TM9SF2: variants seen among roughly 807,000 people sequenced by gnomAD.
TM9SF2 encodes transmembrane 9 superfamily member 2, also known as 76 kDa membrane protein.
TM9SF2 carries 13 observed loss-of-function variants against 84.9 expected under a neutral mutation model. That is an observed-to-expected ratio of 0.15 (90% CI 0.10 to 0.24). TM9SF2 has a LOEUF of 0.24. TM9SF2 is among the 10% of genes least tolerant of loss of function. The pLI is 1.00. For synonymous variants in TM9SF2, 273 were observed against 285.8 expected (o/e 0.96, Z 0.45); for missense variants, 562 against 818.5 (o/e 0.69, Z 3.82).
intron 1 of TM9SF2, among the ~76,000 whole-genome samples, chr13:99,516,828 A>G (rs1594047069): frequency 1.3e-5 from 2 of 152,190 alleles, no homozygotes; most frequent in African/African-American, 2.4e-5. Flanking sequence ...GTACATGTGC[A>G]TGGAATTGTA....
chr13:99,559,637 G>A lies in TM9SF2; in HGVS notation c.1924+103G>A, dbSNP rs1435389436. 7.2e-6 allele frequency: 8 copies of A among 1,111,538 alleles called. No individual in the cohort carries two copies. The East Asian group carries it at 2.1e-4, about 29-fold the overall frequency. 68.9% of individuals were successfully genotyped at this position (1,111,538 alleles called of 1,614,324 possible). On this transcript the variant is annotated intron_variant, in intron 16 of 16. Transcript: ENST00000376387. ...AAACCCATGAAGGCTTATTCTGTTA[G>A]TGCTCCCATATTTAGTCCTCAGCAC...
At chr13:99,554,547 T>A in intron 14 of TM9SF2, 92 bp downstream of exon 14, 1 of 1,334,368 alleles carries the variant, frequency 7.5e-7, no homozygotes. Flanking sequence ...TTGTATCCTG[T>A]AAATGTAAGC....
rs1288860993 is a variant in TM9SF2 at position 99,504,529 on chromosome 13, GTGTT to G, written c.171+2754_171+2757del. 3.9e-5 allele frequency among the ~76,000 whole-genome samples: 6 copies of G among 152,188 alleles called. No individual in the cohort carries two copies. In the East Asian group the frequency reaches 1.2e-3, roughly 29 times the overall value. On this transcript the variant is annotated intron_variant, in intron 1 of 16. Coordinates refer to ENST00000376387, the MANE Select transcript of TM9SF2 (RefSeq NM_004800.3). ...ACTTATATATAATTTAGGTAGTAGA[GTGTT>G]TTTATGTACTGTAAAGTTTGTCTCA...
rs1321281670 is a variant in TM9SF2, at chr13:99,563,898, T to C, written c.*1140T>C. ...ATAGGAATGGGGGGTGATTCTGAAG[T>C]ATCGGTCTGCTTGTATCTGTGAGCA... is the stretch of plus-strand genomic sequence containing the variant. On this transcript the variant is annotated 3_prime_UTR_variant, in exon 17 of 17. Transcript: ENST00000376387. The C allele has an allele frequency of 6.6e-6, 1 of 152,220 alleles. No homozygotes were observed. The highest frequency in any genetic ancestry group is 1.5e-5 in the Non-Finnish European group (1 of 68,048). The allele number at this position is 152,220 out of a possible 1,614,324, so 9.4% of individuals were successfully genotyped here.
At chr13:99,548,043 G>A (rs1485976398) in intron 11 of TM9SF2, among the ~76,000 whole-genome samples, 1 of 152,150 alleles carries the variant, frequency 6.6e-6, no homozygotes, top group African/African-American at 2.4e-5. Flanking sequence ...AAGGAGGTAG[G>A]ATTAGGGCCA....
intron 9 of TM9SF2, among the ~76,000 whole-genome samples, chr13:99,543,335 C>T (rs2046268788): frequency 6.6e-6 from 1 of 152,178 alleles, no homozygotes; most frequent in Non-Finnish European, 1.5e-5. Context: ...CCAATGAGAT[C>T]ATGTACTCCT....
rs1393628385 is a variant in TM9SF2 at position 99,513,023 on chromosome 13, A to ATTT, written c.172-4591_172-4590insTTT. Among the ~76,000 whole-genome samples the ATTT allele has an allele frequency of 7.2e-5, 11 of 152,358 alleles. 1 individual carries two copies. In the South Asian group the frequency reaches 1.0e-3, roughly 14 times the overall value. ...AAGTTATATGAGACAGCAAAAAGTA[A>ATTT]ATTAATTTGCTCAAGGACAAATTGA... On this transcript the variant is annotated intron_variant, in intron 1 of 16. Coordinates refer to ENST00000376387, the MANE Select transcript of TM9SF2 (RefSeq NM_004800.3).
At chr13:99,535,181 C>A (rs1354521607) in intron 4 of TM9SF2, among the ~76,000 whole-genome samples, 1 of 152,036 alleles carries the variant, frequency 6.6e-6, no homozygotes, top group Non-Finnish European at 1.5e-5. Context: ...TTTAAGTTTT[C>A]TTAAATTTAT....
chr13:99,505,978 C>A (rs900997096), intron 1 of TM9SF2, among the ~76,000 whole-genome samples: 1 of 151,838 alleles, frequency 6.6e-6, no homozygotes, highest in Non-Finnish European at 1.5e-5. Context: ...ATTTTTTTTC[C>A]TTTGCTGTAA....
At chr13:99,508,916 G>A (rs1399782661) in intron 1 of TM9SF2, among the ~76,000 whole-genome samples, 1 of 152,030 alleles carries the variant, frequency 6.6e-6, no homozygotes, top group East Asian at 1.9e-4. Flanking sequence ...TTTGAGTGGG[G>A]AAAAATACTC....
chr13:99,509,662 G>A (rs1306563063), intron 1 of TM9SF2, among the ~76,000 whole-genome samples: 1 of 152,194 alleles, frequency 6.6e-6, no homozygotes, highest in African/African-American at 2.4e-5. Context: ...CCCTGGGTCT[G>A]ACCTATAAAC....
At position 99,554,838 on chromosome 13, in the gene TM9SF2, C is replaced by G. The variant is rs544527885; in HGVS notation, c.1640+383C>G. On this transcript the variant is annotated intron_variant, in intron 14 of 16. Transcript: ENST00000376387. ...AGTTTCTCCAAACCTATGTTCCTAA[C>G]TAATCTGCACTGTTCAGAGAAGATC... Among the ~76,000 whole-genome samples the G allele has an allele frequency of 2.5e-4, 38 of 152,338 alleles. No individual in the cohort carries two copies. The South Asian group carries it at 7.5e-3, about 30-fold the overall frequency.
At chr13:99,506,101 A>AGTTATTTTTAGAC (rs1297122907) in intron 1 of TM9SF2, among the ~76,000 whole-genome samples, 4 of 152,188 alleles carry the variant, frequency 2.6e-5, no homozygotes, top group East Asian at 3.8e-4. Context: ...CTTTCTTGGT[A>AGTTATTTTTAGAC]GTTATTTTTA....
At chr13:99,511,359 T>G (rs1361209495) in intron 1 of TM9SF2, among the ~76,000 whole-genome samples, 1 of 152,206 alleles carries the variant, frequency 6.6e-6, no homozygotes, top group East Asian at 1.9e-4. Flanking sequence ...TTGAAGCTCT[T>G]TATTGAACTA....
At chr13:99,533,193 G>A (rs2046218445) in intron 4 of TM9SF2, among the ~76,000 whole-genome samples, 1 of 152,108 alleles carries the variant, frequency 6.6e-6, no homozygotes, top group Non-Finnish European at 1.5e-5. Context: ...GACATACTAG[G>A]GAGAGCATAA....
chr13:99,544,716 A>T (rs944173324), intron 10 of TM9SF2, among the ~76,000 whole-genome samples: 6 of 152,108 alleles, frequency 3.9e-5, no homozygotes, highest in African/African-American at 1.4e-4. Context: ...CACTGTGTAG[A>T]TCCTTCTCAT....
intron 6 of TM9SF2, among the ~76,000 whole-genome samples, chr13:99,538,925 C>G (rs1190003930): frequency 6.6e-6 from 1 of 150,678 alleles, no homozygotes; most frequent in African/African-American, 2.4e-5. Context: ...ACAAAAAAGG[C>G]CAGGCATGGT....
chr13:99,542,024 C>T (rs1462045009), intron 9 of TM9SF2, among the ~76,000 whole-genome samples: 1 of 151,958 alleles, frequency 6.6e-6, no homozygotes, highest in African/African-American at 2.4e-5. Context: ...GTGGTGGGGA[C>T]CTGTAGCCCC....
chr13:99,556,726 G>A (rs946817603), intron 15 of TM9SF2, among the ~76,000 whole-genome samples: 1 of 152,122 alleles, frequency 6.6e-6, no homozygotes, highest in African/African-American at 2.4e-5. Context: ...TGGGACTACA[G>A]GCGCCTGCCA....
Sources: gnomAD v4.1 joint callset for allele counts (sites outside exome capture counted in the v4.1 genomes callset) on GRCh38, gnomAD v4.1.1 for gene constraint, MANE v1.5 for transcripts, NCBI Gene and HGNC (gene_info 2026-07-23, HGNC 2026-07-21) for gene names.